The following BCAS3 variants were observed in gnomAD, a reference collection of about 807,000 sequenced individuals.
The protein encoded by BCAS3 is BCAS4/BCAS3 fusion.
A neutral mutation model predicts 116.1 loss-of-function variants in BCAS3; 53 were observed. The ratio of observed to expected loss-of-function variants is 0.46; its 90% CI spans 0.37 to 0.57. The LOEUF (loss-of-function observed/expected upper bound fraction) is 0.57. Ranked by LOEUF, BCAS3 falls within the 20% of genes least tolerant of loss-of-function variation. The pLI, the probability that BCAS3 is intolerant of heterozygous loss-of-function variation, is 0.00. For missense variants in BCAS3, 917 were observed against 1,165.4 expected (o/e 0.79, Z 3.10); for synonymous variants, 391 against 408.2 (o/e 0.96, Z 0.51).
At chr17:60,779,907 G>A (rs1394295611) in intron 6 of BCAS3, among the ~76,000 whole-genome samples, 1 of 151,978 alleles carries the variant, frequency 6.6e-6, no homozygotes, top group South Asian at 2.1e-4. Context: ...AGGAGATAAG[G>A]CTCTGATATG....
rs961005655 is a variant in BCAS3 at position 61,124,029 on chromosome 17, T to C, written c.2425+39465T>C. ...TCTTTTATGTGCTTATACTACATGG[T>C]TTTCAGCTATCAAATGTTATTTCAA... is the stretch of plus-strand genomic sequence containing the variant. On this transcript the variant is annotated intron_variant, in intron 22 of 23. Transcript: ENST00000407086. The surrounding 1 kb of genome is among the most constrained non-coding windows in gnomAD (Gnocchi z 4.6). Among the ~76,000 whole-genome samples, 1 of 152,134 alleles carries C rather than the reference T, an allele frequency of 6.6e-6. No homozygotes were observed. Among genetic ancestry groups the C allele is most frequent in the African/African-American group, 2.4e-5 (1 of 41,434 alleles).
Position 61,180,123 on chromosome 17 carries a change from G to C in BCAS3, c.2425+95559G>C, listed in dbSNP as rs1326240285. On this transcript the variant is annotated intron_variant, in intron 22 of 23. Transcript: ENST00000407086. This position sits in a 1 kb window ranked among gnomAD's most constrained non-coding sequence, Gnocchi z 6.0. Reference sequence around the variant, plus strand: ...TGAGATATTTTGGAGTCCGAGACCAGATTGAGTGCACCATTTTGCCAAACA... The same window carrying C: ...TGAGATATTTTGGAGTCCGAGACCACATTGAGTGCACCATTTTGCCAAACA... Among the ~76,000 whole-genome samples the C allele has an allele frequency of 3.3e-5, 5 of 152,118 alleles. No individual in the cohort carries two copies. Among genetic ancestry groups the C allele is most frequent in the Non-Finnish European group, 5.9e-5 (4 of 68,016 alleles).
In BCAS3 at chr17:61,037,974, C is replaced by T; in HGVS notation, c.1848C>T (p.Pro616=). Reference sequence around the variant, plus strand: ...TGGAACACATGATGGAGCCGCGACCCCTCAGCACTGCACCCAAGATTAGTG... The same window carrying T: ...TGGAACACATGATGGAGCCGCGACCTCTCAGCACTGCACCCAAGATTAGTG... ...TLVEHMMEPR[P]LSTAPKISDD... is the part of the protein sequence containing the mutation. Residue 616 remains proline (P), a synonymous_variant, in exon 18 of 24, where the codon CCC becomes CCT. Coordinates refer to ENST00000407086, the MANE Select transcript of BCAS3 (RefSeq NM_017679.5). The surrounding 1 kb of genome is among the most constrained non-coding windows in gnomAD (Gnocchi z 4.7). 6.2e-7 allele frequency: 1 copy of T among 1,614,098 alleles called. No homozygotes were observed. The highest frequency in any genetic ancestry group is 8.5e-7 in the Non-Finnish European group (1 of 1,179,990).
chr17:61,146,120 T>TG (rs1166561497), intron 22 of BCAS3, among the ~76,000 whole-genome samples: 2 of 151,300 alleles, frequency 1.3e-5, no homozygotes, highest in African/African-American at 4.9e-5. Context: ...TTTGTTTTTT[T>TG]TTTTTTGAGA....
At position 61,083,420 on chromosome 17, in the gene BCAS3, C is replaced by T. The variant is rs1046383652; in HGVS notation, c.2328-1047C>T. On this transcript the variant is annotated intron_variant, in intron 21 of 23. Coordinates refer to ENST00000407086, the MANE Select transcript of BCAS3 (RefSeq NM_017679.5). This position sits in a 1 kb window ranked among gnomAD's most constrained non-coding sequence, Gnocchi z 4.9. ...GCAATTAATATTCAGTAAATACTTA[C>T]TGTATGAATGAATTACCAGAAATGC... 6.6e-6 allele frequency among the ~76,000 whole-genome samples: 1 copy of T among 152,066 alleles called. No individual in the cohort carries two copies. Among genetic ancestry groups the T allele is most frequent in the African/African-American group, 2.4e-5 (1 of 41,400 alleles).
intron 12 of BCAS3, among the ~76,000 whole-genome samples, chr17:60,914,588 A>G (rs369668474): frequency 7.5e-4 from 114 of 152,338 alleles, no homozygotes; most frequent in African/African-American, 2.1e-3. Context: ...TGACCATTGA[A>G]CAACATGGGT....
intron 6 of BCAS3, among the ~76,000 whole-genome samples, chr17:60,757,275 A>C (rs1568180120): frequency 6.6e-6 from 1 of 151,854 alleles, no homozygotes; most frequent in Non-Finnish European, 1.5e-5. Context: ...AGATCGCACC[A>C]CTGCATTCCA....
In BCAS3 at chr17:61,279,694, A is replaced by G. The variant is rs1050321299; in HGVS notation, c.2426-88633A>G. Among the ~76,000 whole-genome samples, 2 of 152,034 alleles carry G rather than the reference A, an allele frequency of 1.3e-5. No individual in the cohort carries two copies. The highest frequency in any genetic ancestry group is 4.8e-5 in the African/African-American group (2 of 41,400). On this transcript the variant is annotated intron_variant, in intron 22 of 23. Coordinates refer to ENST00000407086, the MANE Select transcript of BCAS3 (RefSeq NM_017679.5). This position sits in a 1 kb window ranked among gnomAD's most constrained non-coding sequence, Gnocchi z 4.4. ...AGAGTTGTTCAGTCCATCCTGGTGT[A>G]GACCACAAACCATGTTTAAAATAGT...
At chr17:61,174,919 T>C (rs2144136615) in intron 22 of BCAS3, among the ~76,000 whole-genome samples, 1 of 152,294 alleles carries the variant, frequency 6.6e-6, no homozygotes, top group Middle Eastern at 3.4e-3. Flanking sequence ...CAGGCCTCAG[T>C]GGAAGTAAAG....
intron 22 of BCAS3, among the ~76,000 whole-genome samples, chr17:61,143,113 C>G (rs1266454896): frequency 6.6e-6 from 1 of 152,128 alleles, no homozygotes; most frequent in African/African-American, 2.4e-5. Context: ...GATAATTTAT[C>G]TAATTTTTCT....
At position 61,387,922 on chromosome 17, in the gene BCAS3, G is replaced by C. The variant is rs2059936613; in HGVS notation, c.2594-4055G>C. Among the ~76,000 whole-genome samples the C allele has an allele frequency of 6.6e-6, 1 of 152,154 alleles. No homozygotes were observed. Among genetic ancestry groups the C allele is most frequent in the Admixed American group, 6.5e-5 (1 of 15,282 alleles). The stretch of plus-strand genomic sequence containing the variant: ...ATGAGGTGACTGGGTCTAGCCACTT[G>C]CCTGGAAGCCACTCCTCCTCTCCTG... On this transcript the variant is annotated intron_variant, in intron 23 of 23. Coordinates refer to ENST00000407086, the MANE Select transcript of BCAS3 (RefSeq NM_017679.5). The surrounding 1 kb of genome is among the most constrained non-coding windows in gnomAD (Gnocchi z 6.2).
rs1372818767 is a variant in BCAS3 at position 61,392,054 on chromosome 17, G to A, written c.2671G>A (p.Asp891Asn). 6.2e-7 allele frequency: 1 copy of A among 1,613,674 alleles called. No homozygotes were observed. The highest frequency in any genetic ancestry group is 1.3e-5 in the African/African-American group (1 of 74,892). The change falls in exon 24 of 24, where the codon GAT becomes AAT. Residue 891 changes from aspartate to asparagine, a missense_variant. Asp to Asn is a conservative substitution (Grantham distance 23). This residue lies in a region of BCAS3 where 109 missense variants were observed against 122.8 expected (regional missense o/e 0.89). Transcript: ENST00000407086. This position sits in a 1 kb window ranked among gnomAD's most constrained non-coding sequence, Gnocchi z 6.4. The part of the protein sequence containing the change: ...STSGSIPRNF[D>N]GYRSPLPTNE... ...CAGCGGCAGCATACCAAGAAACTTT[G>A]ATGGCTACCGATCTCCGCTGCCCAC...
At chr17:61,267,348 C>T (rs1279292966) in intron 22 of BCAS3, among the ~76,000 whole-genome samples, 2 of 151,952 alleles carry the variant, frequency 1.3e-5, no homozygotes, top group Non-Finnish European at 2.9e-5. Flanking sequence ...TGAGCCACTG[C>T]ACCTGGCTGG....
In BCAS3 at chr17:61,126,342, T is replaced by G. The variant is rs1387170679; in HGVS notation, c.2425+41778T>G. Among the ~76,000 whole-genome samples the G allele has an allele frequency of 6.6e-6, 1 of 152,200 alleles. No homozygotes were observed. The highest frequency in any genetic ancestry group is 1.5e-5 in the Non-Finnish European group (1 of 68,012). On this transcript the variant is annotated intron_variant, in intron 22 of 23. Coordinates refer to ENST00000407086, the MANE Select transcript of BCAS3 (RefSeq NM_017679.5). The surrounding 1 kb of genome is among the most constrained non-coding windows in gnomAD (Gnocchi z 4.6). The stretch of plus-strand genomic sequence containing the variant: ...TCCTTTACTGAATTGTCAGTGATAC[T>G]TATTTTCAGAGACATTAGAAAAAAA...
intron 22 of BCAS3, among the ~76,000 whole-genome samples, chr17:61,283,767 TA>T (rs72277620): frequency 0.014 from 2,099 of 151,956 alleles, 21 homozygotes; most frequent in Non-Finnish European, 0.019. Context: ...ATTGATTTTT[TA>T]AAAAAAAATT....
intron 22 of BCAS3, among the ~76,000 whole-genome samples, chr17:61,150,880 G>C (rs1489666046): frequency 1.3e-5 from 2 of 152,188 alleles, no homozygotes; most frequent in African/African-American, 4.8e-5. Flanking sequence ...TACTGAACGT[G>C]ACTATAAATC....
At chr17:60,832,082 G>A (rs565425846) in intron 7 of BCAS3, among the ~76,000 whole-genome samples, 2 of 152,232 alleles carry the variant, frequency 1.3e-5, no homozygotes, top group East Asian at 3.9e-4. Flanking sequence ...ATACACCACT[G>A]CACTATTAAG....
intron 22 of BCAS3, among the ~76,000 whole-genome samples, chr17:61,168,039 C>A (rs963060797): frequency 6.6e-6 from 1 of 152,184 alleles, no homozygotes; most frequent in African/African-American, 2.4e-5. Context: ...TGGTAGACAT[C>A]ATTTTATTTC....
intron 10 of BCAS3, among the ~76,000 whole-genome samples, chr17:60,898,164 G>C (rs966135035): frequency 6.6e-6 from 1 of 151,992 alleles, no homozygotes; most frequent in African/African-American, 2.4e-5. Context: ...TCACAAGGTT[G>C]TTTTAAATTA....
Sources: gnomAD v4.1 joint callset for allele counts (sites outside exome capture counted in the v4.1 genomes callset) on GRCh38, gnomAD v4.1.1 for gene constraint, gnomAD v4.1.1 regional missense constraint, Gnocchi (gnomAD v3.1) non-coding constraint, MANE v1.5 for transcripts, NCBI Gene and HGNC (gene_info 2026-07-23, HGNC 2026-07-21) for gene names.